The following CP variants were observed in gnomAD, a reference collection of about 807,000 sequenced individuals.
CP encodes caeruloplasmin.
In CP, 64 loss-of-function variants were observed where a neutral mutation model predicts 122.4. The observed-to-expected ratio is 0.52, with a 90% confidence interval of 0.43 to 0.64. The LOEUF is 0.64. Among genes scored for constraint, CP ranks in the 30% least tolerant of loss-of-function variants. The pLI is 0.00. For synonymous variants in CP, 440 were observed against 436.4 expected (o/e 1.01, Z -0.10); for missense variants, 1,167 against 1,284.4 (o/e 0.91, Z 1.40).
downstream of CP, chr3:149,172,308 A>G: frequency 1.3e-6 from 1 of 760,788 alleles, no homozygotes. Context: ...GGAGTTTTTT[A>G]TTTTATATAT....
intron 4 of CP, 48 bp from the exon 5 acceptor site, chr3:149,207,665 G>T: frequency 6.3e-7 from 1 of 1,596,492 alleles, no homozygotes. Context: ...TAATGCTTGA[G>T]ATAGTGAGAG....
chr3:149,169,917 T>G (rs1408099702), downstream of CP, among the ~76,000 whole-genome samples: 2 of 152,212 alleles, frequency 1.3e-5, no homozygotes, highest in Non-Finnish European at 2.9e-5. Flanking sequence ...ATTTTAAGGG[T>G]ACAGGTTTAC....
At chr3:149,202,991 C>T (rs1214469951) in intron 6 of CP, among the ~76,000 whole-genome samples, 1 of 146,988 alleles carries the variant, frequency 6.8e-6, no homozygotes, top group Non-Finnish European at 1.5e-5. Flanking sequence ...ACTGCAACCT[C>T]CACCTCTCAG....
At chr3:149,181,332 T>G (rs1019252104) in intron 14 of CP, among the ~76,000 whole-genome samples, 1 of 152,124 alleles carries the variant, frequency 6.6e-6, no homozygotes, top group Admixed American at 6.6e-5. Flanking sequence ...ATTACCTGAA[T>G]TTCATTACTT....
At chr3:149,210,077 A>G (rs1728005303) in intron 3 of CP, 90 bp downstream of exon 3, 2 of 1,303,974 alleles carry the variant, frequency 1.5e-6, no homozygotes, top group Admixed American at 1.7e-5. Context: ...GCTCAATCTC[A>G]GCACAGAAGA....
intron 4 of CP, 81 bp downstream of exon 4, chr3:149,209,130 T>C: frequency 1.9e-6 from 3 of 1,557,226 alleles, no homozygotes; most frequent in Non-Finnish European, 2.7e-6. Flanking sequence ...ACAGTACTTA[T>C]TTATGTGAGG....
intron 5 of CP, among the ~76,000 whole-genome samples, chr3:149,165,684 AG>A (rs556165381): frequency 1.3e-3 from 200 of 152,234 alleles, no homozygotes; most frequent in African/African-American, 4.6e-3. Context: ...ACTAAGTAAA[AG>A]TTCATGGGTA....
chr3:149,182,081 G>GT lies in CP; in HGVS notation c.2477dup (p.Asn826LysfsTer28), dbSNP rs755531409. Reference sequence around the variant, plus strand: ...GTATTGAGTAGGGCCTTGTGGCCATGTTTTTAAAGATAATTTTGACTTTGT... The same window carrying GT: ...GTATTGAGTAGGGCCTTGTGGCCATGTTTTTTAAAGATAATTTTGACTTTGT... On this transcript the variant is annotated frameshift_variant, in exon 14 of 19. Transcript: ENST00000264613. LOFTEE classifies it high-confidence loss of function. The GT allele has an allele frequency of 1.9e-6, 3 of 1,612,310 alleles. No homozygotes were observed. Among genetic ancestry groups the GT allele is most frequent in the Non-Finnish European group, 2.5e-6 (3 of 1,179,336 alleles).
rs532168420 is a variant in CP at position 149,210,306 on chromosome 3, T to G, written c.468A>C (p.Thr156=). The G allele has an allele frequency of 1.2e-6, 2 of 1,614,146 alleles. No individual in the cohort carries two copies. The highest frequency in any genetic ancestry group is 2.2e-5 in the East Asian group (1 of 44,882). Reference sequence around the variant, plus strand: ...GTTCTTCAGTGGCAAGCAACATGTATGTATACTGCTCTCCTGGATATACTT... The same window carrying G: ...GTTCTTCAGTGGCAAGCAACATGTAGGTATACTGCTCTCCTGGATATACTT... ...DDKVYPGEQY[T]YMLLATEEQS... is the part of the protein sequence containing the mutation. Residue 156 remains threonine, a synonymous_variant, in exon 3 of 19, where the codon ACA becomes ACC. Coordinates refer to ENST00000264613, the MANE Select transcript of CP (RefSeq NM_000096.4).
At chr3:149,199,908 A>G (rs1222373117) in intron 7 of CP, 44 bp from the exon 8 acceptor site, 1 of 1,583,666 alleles carries the variant, frequency 6.3e-7, no homozygotes, top group Non-Finnish European at 8.7e-7. Context: ...GGTATGTAAC[A>G]TGCAGAATGT....
exon 6 of CP, chr3:149,162,554 C>A: frequency 9.3e-7 from 1 of 1,080,482 alleles, no homozygotes; most frequent in Non-Finnish European, 1.4e-6. Flanking sequence ...TCTAAATTTG[C>A]TTTTGCCATG....
intron 15 of CP, 64 bp from the exon 16 acceptor site, chr3:149,178,695 C>G (rs1725581340): frequency 8.2e-7 from 1 of 1,225,982 alleles, no homozygotes; most frequent in Non-Finnish European, 1.2e-6. Flanking sequence ...AGAACTGAGA[C>G]TTTGCACCCA....
At position 149,198,436 on chromosome 3, in the gene CP, A is replaced by C; in HGVS notation, c.1644T>G (p.Asp548Glu). 6.2e-7 allele frequency: 1 copy of C among 1,613,352 alleles called. No homozygotes were observed. The highest frequency in any genetic ancestry group is 8.5e-7 in the Non-Finnish European group (1 of 1,179,282). Residue 548 changes from aspartate (D) to glutamate (E), a missense_variant, in exon 9 of 19, where the codon GAT becomes GAG. Asp to Glu is a conservative substitution (Grantham distance 45, BLOSUM62 2). This residue lies in a region of CP where 525 missense variants were observed against 657.2 expected (regional missense o/e 0.80). Transcript: ENST00000264613. ...MYYSAVEPTK[D>E]IFTGLIGPMK... ...TTGGCCCAATAAGCCCAGTGAATAT[A>C]TCTTTAGTGGGTTCCACAGCAGAAT... is the stretch of plus-strand genomic sequence containing the variant.
chr3:149,183,614 A>T lies in CP; in HGVS notation c.2286-9T>A. 1 of 1,545,318 alleles carries T rather than the reference A, an allele frequency of 6.5e-7. No homozygotes were observed. Among genetic ancestry groups the T allele is most frequent in the Non-Finnish European group, 8.8e-7 (1 of 1,136,158 alleles). On this transcript the variant is annotated splice_polypyrimidine_tract_variant and intron_variant, in intron 12 of 18. Coordinates refer to ENST00000264613, the MANE Select transcript of CP (RefSeq NM_000096.4). The stretch of plus-strand genomic sequence containing the variant: ...AAAATGCATTTGAAACACTTAAAAA[A>T]AAAAACAACTAAGGTTAGTATTTGT...
At chr3:149,191,306 T>C (rs1726538860) in intron 9 of CP, among the ~76,000 whole-genome samples, 1 of 151,692 alleles carries the variant, frequency 6.6e-6, no homozygotes, top group Non-Finnish European at 1.5e-5. Context: ...TCATTTTCTT[T>C]TGTTTGCTTA....
At chr3:149,176,214 A>G in intron 18 of CP, 36 bp downstream of exon 18, 4 of 1,597,068 alleles carry the variant, frequency 2.5e-6, no homozygotes, top group Non-Finnish European at 3.4e-6. Flanking sequence ...TATATCTTTT[A>G]TATATGGCTT....
chr3:149,213,631 G>GGTGTGT (rs71135672), intron 1 of CP, among the ~76,000 whole-genome samples: 40 of 143,750 alleles, frequency 2.8e-4, no homozygotes, highest in African/African-American at 6.2e-4. Context: ...CATCATCATG[G>GGTGTGT]GTGTGTGTGT....
rs188643164 is a variant in CP, at chr3:149,188,105, G to T, written c.1811C>A (p.Pro604His). The change falls in exon 10 of 19, where the codon CCT becomes CAT. Residue 604 changes from proline to histidine, a missense_variant. Around this residue, in one of 2 missense-constraint regions of CP, gnomAD observed 525 missense variants for 657.2 expected, o/e 0.80. Transcript: ENST00000264613. ...TTCATCTTCCTTATCCACCTGATCA[G>T]GTGCAGTTGTAAACATTCTAATATT... ...EDNIRMFTTA[P>H]DQVDKEDEDF... 8.9e-5 allele frequency: 144 copies of T among 1,612,502 alleles called. 3 individuals are homozygous for T. The Admixed American group carries it at 2.2e-3, about 25-fold the overall frequency.
intron 1 of CP, among the ~76,000 whole-genome samples, chr3:149,213,568 C>G (rs943548221): frequency 1.3e-5 from 2 of 151,994 alleles, no homozygotes; most frequent in African/African-American, 4.8e-5. Context: ...TAGATTCTGG[C>G]CTTTGGCAAG....
Sources: allele counts gnomAD v4.1 joint callset (sites outside exome capture counted in the v4.1 genomes callset), GRCh38; gene constraint gnomAD v4.1.1; regional missense constraint gnomAD v4.1.1; transcripts MANE v1.5; gene names NCBI Gene and HGNC (gene_info 2026-07-23, HGNC 2026-07-21).